Variants in SRSF11 observed in about 807,000 individuals in gnomAD.
SRSF11 encodes serine and arginine rich splicing factor 11.
A neutral mutation model predicts 56.0 loss-of-function variants in SRSF11; 9 were observed. The observed-to-expected ratio is 0.16, with a 90% CI of 0.10 to 0.28. The LOEUF (loss-of-function observed/expected upper bound fraction) is 0.28, where lower values mean the gene tolerates loss of function less well. SRSF11 is among the 10% of genes least tolerant of loss of function. SRSF11 has a pLI of 1.00. For missense variants in SRSF11, 421 were observed against 600.7 expected, an observed-to-expected ratio of 0.70 and a Z score of 3.13; for synonymous variants, 222 against 215.3, an observed-to-expected ratio of 1.03 and a Z score of -0.27.
intron 6 of SRSF11, 101 bp from the exon 7 acceptor site, chr1:70,239,338 C>A: frequency 1.3e-6 from 1 of 754,260 alleles, no homozygotes; most frequent in Non-Finnish European, 2.2e-6. Context: ...GTGTTGCTCC[C>A]ACTTCAGCCT....
At chr1:70,244,341 A>G (rs939084255) in intron 7 of SRSF11, among the ~76,000 whole-genome samples, 11 of 152,320 alleles carry the variant, frequency 7.2e-5, no homozygotes, top group Admixed American at 1.3e-4. Context: ...AAAATGCTAT[A>G]TAATTGTATA....
chr1:70,221,574 T>G lies in SRSF11; in HGVS notation c.-63T>G. The G allele has an allele frequency of 6.5e-7, 1 of 1,540,910 alleles. No individual in the cohort carries two copies. The highest frequency in any genetic ancestry group is 8.8e-7 in the Non-Finnish European group (1 of 1,142,322). On this transcript the variant is annotated 5_prime_UTR_variant, in exon 1 of 12. Coordinates refer to ENST00000370949, the MANE Select transcript of SRSF11 (RefSeq NM_001350605.2). ...CCCGCAATCCGGTTCCTCTTCCCCC[T>G]CCTTCTCACTGTTTGTTGTGTGTTT...
At position 70,251,625 on chromosome 1, in the gene SRSF11, A is replaced by T. The variant is rs1423035521; in HGVS notation, c.*820A>T. 1 of 152,504 alleles carries T rather than the reference A, an allele frequency of 6.6e-6. No individual in the cohort carries two copies. Among genetic ancestry groups the T allele is most frequent in the African/African-American group, 2.4e-5 (1 of 41,446 alleles). The allele number at this position is 152,504 out of a possible 1,614,324, so 9.4% of individuals were successfully genotyped here. A position where few individuals can be genotyped will look rare whatever the true frequency, so the allele number is the denominator to read the frequency against. Reference sequence around the variant, plus strand: ...TATCTTAAAGGAAAAAAAGAAAAAAACCTTATCTCTTGCCCTTATTTTGAA... The same window carrying T: ...TATCTTAAAGGAAAAAAAGAAAAAATCCTTATCTCTTGCCCTTATTTTGAA... On this transcript the variant is annotated 3_prime_UTR_variant, in exon 12 of 12. Transcript: ENST00000370949.
intron 7 of SRSF11, 96 bp downstream of exon 7, chr1:70,239,616 A>G (rs1411171042): frequency 2.1e-6 from 2 of 935,180 alleles, no homozygotes; most frequent in Admixed American, 5.3e-5. Flanking sequence ...TCCTCTGGTT[A>G]AAGTGTTTTA....
intron 1 of SRSF11, among the ~76,000 whole-genome samples, chr1:70,223,090 A>G (rs1322803408): frequency 6.6e-6 from 1 of 152,204 alleles, no homozygotes; most frequent in Non-Finnish European, 1.5e-5. Flanking sequence ...CTTTCATAAC[A>G]TGAACATACA....
At chr1:70,219,384 C>T (rs188608514), upstream of SRSF11, among the ~76,000 whole-genome samples, 1 of 152,312 alleles carries the variant, frequency 6.6e-6, no homozygotes, top group African/African-American at 2.4e-5. Context: ...AATCTGTGCA[C>T]ATCCTCCCAA....
intron 2 of SRSF11, 47 bp downstream of exon 2, chr1:70,228,602 T>G (rs184900781): frequency 6.3e-7 from 1 of 1,590,164 alleles, no homozygotes; most frequent in African/African-American, 1.3e-5. Flanking sequence ...AAGATGACCA[T>G]CTACCTCAGT....
intron 5 of SRSF11, among the ~76,000 whole-genome samples, chr1:70,236,797 T>TTA: frequency 7.4e-6 from 1 of 134,236 alleles, no homozygotes; most frequent in South Asian, 2.6e-4. Flanking sequence ...CATAAATTTT[T>TTA]TTTTTTTTTT....
chr1:70,231,519 T>TA, intron 2 of SRSF11: 1 of 1,063,790 alleles, frequency 9.4e-7, no homozygotes, highest in Non-Finnish European at 1.1e-6. Flanking sequence ...CATTTTTTGG[T>TA]ATGGTTAGCA....
chr1:70,250,220 A>G (rs1677688035), intron 10 of SRSF11, 145 bp from the exon 11 acceptor site: 1 of 1,386,664 alleles, frequency 7.2e-7, no homozygotes, highest in Admixed American at 2.2e-5. Context: ...TTAGTCCTAT[A>G]AACAAGTTAG....
At chr1:70,230,698 A>C in intron 2 of SRSF11, 1 of 1,196,876 alleles carries the variant, frequency 8.4e-7, no homozygotes, top group Non-Finnish European at 1.1e-6. Context: ...CAGATGCATG[A>C]CTTTTTTTTT....
At chr1:70,220,750 C>T (rs1022713429), upstream of SRSF11, 4 of 151,934 alleles carry the variant, frequency 2.6e-5, no homozygotes, top group African/African-American at 9.7e-5. Context: ...CTCCCGAGGC[C>T]TAGGTAGGAG....
rs533506302 is a variant in SRSF11 at position 70,244,596 on chromosome 1, T to C, written c.801-88T>C. On this transcript the variant is annotated intron_variant, in intron 7 of 11. Coordinates refer to ENST00000370949, the MANE Select transcript of SRSF11 (RefSeq NM_001350605.2). ...CCCCCATTTAATTGTTTAGTCCATA[T>C]GTCCGAATCTTTTGTCTGATACTAA... The C allele has an allele frequency of 2.6e-5, 36 of 1,403,548 alleles. No homozygotes were observed. The South Asian group carries it at 4.5e-4, about 18-fold the overall frequency. 86.9% of individuals were successfully genotyped at this position (1,403,548 alleles called of 1,614,324 possible).
chr1:70,236,792 ATTTTTTT>A (rs35602423), intron 5 of SRSF11, among the ~76,000 whole-genome samples: 4 of 83,736 alleles, frequency 4.8e-5, no homozygotes, highest in Admixed American at 1.5e-4. Flanking sequence ...TATGTCATAA[ATTTTTTT>A]TTTTTTTTTT....
At chr1:70,242,221 G>A (rs1369605090) in intron 7 of SRSF11, among the ~76,000 whole-genome samples, 2 of 151,232 alleles carry the variant, frequency 1.3e-5, no homozygotes, top group Non-Finnish European at 2.9e-5. Flanking sequence ...AAATCTTACT[G>A]GGACTCTCTC....
rs774166923 is a variant in SRSF11, at chr1:70,228,428, G to A, written c.210G>A (p.Ser70=). The A allele has an allele frequency of 7.5e-6, 12 of 1,603,210 alleles. No homozygotes were observed. The highest frequency in any genetic ancestry group is 3.4e-5 in the South Asian group (3 of 89,346). The part of the protein sequence containing the change: ...DELRLFPPDD[S]PLPVSSRVCF... ...TTATTTGTTTATTTTTTAGTGATTC[G>A]CCTTTGCCAGTCTCATCTCGTGTCT... Residue 70 remains serine, a synonymous_variant, in exon 2 of 12, where the codon TCG becomes TCA. Coordinates refer to ENST00000370949, the MANE Select transcript of SRSF11 (RefSeq NM_001350605.2).
At chr1:70,234,131 T>C (rs1405747167) in intron 3 of SRSF11, among the ~76,000 whole-genome samples, 14 of 152,116 alleles carry the variant, frequency 9.2e-5, no homozygotes, top group Admixed American at 9.2e-4. Context: ...CTACTGGGTG[T>C]TTGACATGGT....
At chr1:70,207,599 T>C (rs1015387071) in intron 1 of SRSF11, among the ~76,000 whole-genome samples, 1 of 152,066 alleles carries the variant, frequency 6.6e-6, no homozygotes, top group African/African-American at 2.4e-5. Context: ...AAGAACCACC[T>C]TTTTCTCTTT....
At chr1:70,232,453 T>C (rs1315753110) in intron 3 of SRSF11, 76 bp downstream of exon 3, 1 of 1,114,240 alleles carries the variant, frequency 9.0e-7, no homozygotes, top group Non-Finnish European at 1.3e-6. Context: ...ATTTGAACTT[T>C]GTAAGTACTC....
Sources: gnomAD v4.1 joint callset for allele counts (sites outside exome capture counted in the v4.1 genomes callset) on GRCh38, gnomAD v4.1.1 for gene constraint, MANE v1.5 for transcripts, NCBI Gene and HGNC (gene_info 2026-07-23, HGNC 2026-07-21) for gene names.